The following KCNAB2 variants were observed in gnomAD, a reference collection of about 807,000 sequenced individuals.
KCNAB2 encodes voltage-gated potassium channel subunit beta-2.
KCNAB2 carries 29 observed loss-of-function variants against 63.6 expected under a neutral mutation model. The observed-to-expected ratio is 0.46, with a 90% CI of 0.34 to 0.62. KCNAB2 has a LOEUF of 0.62. Ranked by LOEUF, KCNAB2 falls within the 20% of genes least tolerant of loss-of-function variation. The pLI is 0.01. For synonymous variants in KCNAB2, 222 were observed against 224.2 expected, an observed-to-expected ratio of 0.99 and a Z score of 0.09; for missense variants, 359 against 563.9, an observed-to-expected ratio of 0.64 and a Z score of 3.68.
chr1:6,076,160 G>A (rs1663642579), intron 4 of KCNAB2, among the ~76,000 whole-genome samples: 1 of 152,228 alleles, frequency 6.6e-6, no homozygotes, highest in Non-Finnish European at 1.5e-5. Context: ...GGGCTGCTGT[G>A]TGAACTGCTC....
chr1:6,047,082 G>A (rs777499514), intron 1 of KCNAB2, among the ~76,000 whole-genome samples: 1 of 152,238 alleles, frequency 6.6e-6, no homozygotes. Flanking sequence ...GGCTATTGAG[G>A]AGGGGCTCGT....
At chr1:6,095,465 G>GCGCCCC in intron 12 of KCNAB2, 22 bp downstream of exon 12, 9 of 1,586,110 alleles carry the variant, frequency 5.7e-6, no homozygotes, top group South Asian at 1.1e-5. Context: ...CGGGCCCCTC[G>GCGCCCC]CCCCGCCCCA....
At chr1:6,088,460 C>A (rs1664890986) in intron 7 of KCNAB2, among the ~76,000 whole-genome samples, 1 of 151,584 alleles carries the variant, frequency 6.6e-6, no homozygotes, top group South Asian at 2.1e-4. Context: ...GTTGTCCAGC[C>A]TGGTCTCAAA....
intron 2 of KCNAB2, among the ~76,000 whole-genome samples, chr1:6,055,575 C>T (rs1661748422): frequency 6.6e-6 from 1 of 152,152 alleles, no homozygotes; most frequent in Non-Finnish European, 1.5e-5. Flanking sequence ...ACGCTGGTCT[C>T]AAACTCCTGA....
At chr1:6,063,502 C>T (rs1282764033) in intron 2 of KCNAB2, among the ~76,000 whole-genome samples, 4 of 151,708 alleles carry the variant, frequency 2.6e-5, no homozygotes, top group Admixed American at 6.6e-5. Context: ...CTCCACCTCC[C>T]GAGTTCAAGC....
At chr1:6,056,796 G>A (rs868166077) in intron 2 of KCNAB2, among the ~76,000 whole-genome samples, 2 of 152,144 alleles carry the variant, frequency 1.3e-5, no homozygotes, top group African/African-American at 4.8e-5. Context: ...CTTCCTGGAG[G>A]CTGCCTCCCC....
intron 2 of KCNAB2, among the ~76,000 whole-genome samples, chr1:6,057,677 G>C (rs1343365399): frequency 6.6e-6 from 1 of 152,196 alleles, no homozygotes; most frequent in African/African-American, 2.4e-5. Flanking sequence ...GTGCAGCCGG[G>C]CCATACTTCC....
upstream of KCNAB2, chr1:6,041,838 T>C: frequency 6.2e-7 from 1 of 1,613,732 alleles, no homozygotes; most frequent in Non-Finnish European, 8.5e-7. Flanking sequence ...AAGTACTCGG[T>C]ATGGGAGTCC....
At chr1:6,084,926 CTTCT>C (rs1209902680) in intron 5 of KCNAB2, among the ~76,000 whole-genome samples, 13 of 152,236 alleles carry the variant, frequency 8.5e-5, no homozygotes, top group African/African-American at 3.1e-4. Flanking sequence ...CAGCTCCTTC[CTTCT>C]GTGTGAGAGC....
chr1:6,066,529 CTTCT>C (rs997267958), intron 2 of KCNAB2, among the ~76,000 whole-genome samples: 3 of 152,186 alleles, frequency 2.0e-5, no homozygotes, highest in African/African-American at 7.2e-5. Flanking sequence ...GTCTTCCTTC[CTTCT>C]GCCTCTGTTT....
intron 1 of KCNAB2, among the ~76,000 whole-genome samples, chr1:6,038,506 A>G (rs1333374048): frequency 2.0e-5 from 3 of 151,836 alleles, no homozygotes; most frequent in Non-Finnish European, 4.4e-5. Flanking sequence ...CTACAAAACA[A>G]ATGTCTCTGT....
chr1:6,058,196 G>C (rs1306184878), intron 2 of KCNAB2, among the ~76,000 whole-genome samples: 1 of 152,306 alleles, frequency 6.6e-6, no homozygotes, highest in African/African-American at 2.4e-5. Flanking sequence ...ATTGAAGGCT[G>C]ACCCTAATCC....
chr1:6,015,954 G>A (rs185169382), intron 1 of KCNAB2, among the ~76,000 whole-genome samples: 218 of 152,136 alleles, frequency 1.4e-3, no homozygotes, highest in African/African-American at 4.9e-3. Flanking sequence ...TGCCCACCTC[G>A]GCCTCCCAAA....
chr1:6,025,952 C>T (rs1417179542), intron 1 of KCNAB2: 2 of 131,918 alleles, frequency 1.5e-5, no homozygotes. Context: ...GGCACACAGC[C>T]GATCCCGGCA....
Position 6,069,776 on chromosome 1 carries a change from G to A in KCNAB2, c.219-2979G>A, listed in dbSNP as rs563348377. On this transcript the variant is annotated intron_variant, in intron 2 of 15. Transcript: ENST00000378083. This position sits in a 1 kb window ranked among gnomAD's most constrained non-coding sequence, Gnocchi z 5.4. ...ATCCCTTCTCCCGAGGCCTGGCAGC[G>A]GATGGCAGAACCAATACCATCATTT... is the stretch of plus-strand genomic sequence containing the variant. 2.6e-5 allele frequency among the ~76,000 whole-genome samples: 4 copies of A among 152,222 alleles called. No individual in the cohort carries two copies. The highest frequency in any genetic ancestry group is 5.9e-5 in the Non-Finnish European group (4 of 68,044).
chr1:5,999,811 C>T (rs1030995008), intron 1 of KCNAB2, among the ~76,000 whole-genome samples: 1 of 152,022 alleles, frequency 6.6e-6, no homozygotes, highest in African/African-American at 2.4e-5. Context: ...ACCGTGTCTG[C>T]ACCCTGCCTG....
chr1:6,041,102 T>A (rs954165965), upstream of KCNAB2: 1 of 159,172 alleles, frequency 6.3e-6, no homozygotes, highest in Non-Finnish European at 1.4e-5. Context: ...CTGGAGGGAG[T>A]GGGGGCGGCC....
chr1:5,999,473 T>A (rs1038041452), intron 1 of KCNAB2, among the ~76,000 whole-genome samples: 8 of 152,188 alleles, frequency 5.3e-5, no homozygotes, highest in Non-Finnish European at 1.0e-4. Flanking sequence ...GGAAGCTGTT[T>A]GTGATGGTTG....
intron 1 of KCNAB2, among the ~76,000 whole-genome samples, chr1:6,007,003 C>T (rs576979631): frequency 6.6e-6 from 1 of 152,114 alleles, no homozygotes; most frequent in Admixed American, 6.5e-5. Context: ...GTGCTTAAGC[C>T]CAGCAGCGGG....
Sources: allele counts gnomAD v4.1 joint callset (sites outside exome capture counted in the v4.1 genomes callset), GRCh38; gene constraint gnomAD v4.1.1; non-coding constraint Gnocchi (gnomAD v3.1); transcripts MANE v1.5; gene names NCBI Gene and HGNC (gene_info 2026-07-23, HGNC 2026-07-21).